ADGRA1: variants seen among roughly 807,000 people sequenced by gnomAD.
The protein encoded by ADGRA1 is adhesion G protein-coupled receptor A1, also known as G-protein coupled receptor 123.
A neutral mutation model predicts 21.3 loss-of-function variants in ADGRA1; 12 were observed. The observed-to-expected ratio is 0.56, with a 90% confidence interval of 0.36 to 0.91. The LOEUF is 0.91. ADGRA1 is among the 40% of genes least tolerant of loss of function. The pLI, the probability that ADGRA1 is intolerant of heterozygous loss-of-function variation, is 0.01. For missense variants in ADGRA1, 790 were observed against 805.6 expected, an observed-to-expected ratio of 0.98 and a Z score of 0.23; for synonymous variants, 385 against 368.8, an observed-to-expected ratio of 1.04 and a Z score of -0.50.
rs1022490921 is a variant in ADGRA1 at position 133,128,657 on chromosome 10, G to A, written c.829G>A (p.Val277Met). Residue 277 changes from valine to methionine, a missense_variant, in exon 7 of 7, where the codon GTG (valine) becomes ATG (methionine). Coordinates refer to ENST00000392607, the MANE Select transcript of ADGRA1 (RefSeq NM_001083909.3). The part of the protein sequence containing the change: ...TATWAFGALA[V>M]SQGHFLDMVF... ...CACGTGGGCCTTCGGGGCGCTGGCG[G>A]TGTCACAGGGCCACTTCCTGGACAT... is the stretch of plus-strand genomic sequence containing the variant. The A allele has an allele frequency of 1.2e-5, 19 of 1,609,600 alleles. No homozygotes were observed. Among genetic ancestry groups the A allele is most frequent in the African/African-American group, 5.3e-5 (4 of 74,892 alleles).
intron 4 of ADGRA1, 71 bp downstream of exon 4, chr10:133,098,834 TA>T: frequency 6.5e-7 from 1 of 1,539,920 alleles, no homozygotes; most frequent in Non-Finnish European, 8.7e-7. Flanking sequence ...GTTTACTAAA[TA>T]ATATTCCAGC....
At chr10:133,098,556 G>A (rs1455283227) in intron 3 of ADGRA1, 84 bp from the exon 4 acceptor site, 1 of 1,515,026 alleles carries the variant, frequency 6.6e-7, no homozygotes, top group South Asian at 1.3e-5. Context: ...CCCGGGGACA[G>A]AGCCTGCGCC....
At position 133,130,900 on chromosome 10, in the gene ADGRA1, CTTAA is replaced by C. The variant is rs1852512276; in HGVS notation, c.*1390_*1393del. The C allele has an allele frequency of 6.6e-6, 1 of 152,226 alleles. No individual in the cohort carries two copies. The highest frequency in any genetic ancestry group is 1.5e-5 in the Non-Finnish European group (1 of 68,064). 9.4% of individuals were successfully genotyped at this position (152,226 alleles called of 1,614,324 possible). A position where few individuals can be genotyped will look rare whatever the true frequency, so the allele number is the denominator to read the frequency against. On this transcript the variant is annotated 3_prime_UTR_variant, in exon 7 of 7. Coordinates refer to ENST00000392607, the MANE Select transcript of ADGRA1 (RefSeq NM_001083909.3). ...ACACACAAACACACGTGCACACATA[CTTAA>C]CACACACTTGCACCTGCTGTGCACA...
intron 5 of ADGRA1, among the ~76,000 whole-genome samples, chr10:133,117,375 C>T (rs891212696): frequency 7.2e-5 from 11 of 152,210 alleles, no homozygotes; most frequent in Non-Finnish European, 1.2e-4. Context: ...CAAACACCCA[C>T]GGAACAGCCT....
intron 2 of ADGRA1, 135 bp downstream of exon 2, chr10:133,089,047 C>T (rs941222912): frequency 1.6e-6 from 2 of 1,233,208 alleles, no homozygotes; most frequent in African/African-American, 1.6e-5. Flanking sequence ...GGCTCAGTGC[C>T]GGGGTGGGAG....
At chr10:133,121,783 T>C (rs1408737135) in intron 5 of ADGRA1, among the ~76,000 whole-genome samples, 1 of 140,886 alleles carries the variant, frequency 7.1e-6, no homozygotes, top group African/African-American at 2.7e-5. Context: ...AGTGTGCGTG[T>C]CGTGTGCCAG....
intron 5 of ADGRA1, among the ~76,000 whole-genome samples, chr10:133,106,879 G>T (rs12359671): frequency 0.17 from 25,510 of 152,254 alleles, 2,241 homozygotes; most frequent in Non-Finnish European, 0.2. Context: ...CTGGGGCCAC[G>T]CCCGCTCTGA....
Position 133,122,296 on chromosome 10 carries a change from G to A in ADGRA1, c.402-4937G>A, listed in dbSNP as rs144850547. Among the ~76,000 whole-genome samples the A allele has an allele frequency of 9.7e-3, 1,477 of 152,312 alleles. 10 individuals are homozygous for A. Among genetic ancestry groups the A allele is most frequent in the Non-Finnish European group, 0.012 (796 of 68,020 alleles). Reference sequence around the variant, plus strand: ...CATCAGCCATGGCGGGAACAGAGCCGTGGCAGGACCACACCTGCAGTCTGC... The same window carrying A: ...CATCAGCCATGGCGGGAACAGAGCCATGGCAGGACCACACCTGCAGTCTGC... On this transcript the variant is annotated intron_variant, in intron 5 of 6. Coordinates refer to ENST00000392607, the MANE Select transcript of ADGRA1 (RefSeq NM_001083909.3).
chr10:133,124,624 G>A (rs996094626), intron 5 of ADGRA1, among the ~76,000 whole-genome samples: 1 of 152,250 alleles, frequency 6.6e-6, no homozygotes, highest in Non-Finnish European at 1.5e-5. Flanking sequence ...AGAAGATGAC[G>A]CTTGAGTGAC....
At chr10:133,109,436 A>C in intron 5 of ADGRA1, among the ~76,000 whole-genome samples, 3 of 147,416 alleles carry the variant, frequency 2.0e-5, no homozygotes, top group African/African-American at 2.5e-5. Context: ...CCCCACGACC[A>C]CTCCCCAGAC....
chr10:133,110,960 G>A (rs1192079643), intron 5 of ADGRA1, among the ~76,000 whole-genome samples: 1 of 152,144 alleles, frequency 6.6e-6, no homozygotes, highest in East Asian at 1.9e-4. Flanking sequence ...TGTGAGCACA[G>A]CCCACTGAAG....
chr10:133,122,950 G>A (rs1031970840), intron 5 of ADGRA1, among the ~76,000 whole-genome samples: 7 of 152,212 alleles, frequency 4.6e-5, no homozygotes, highest in African/African-American at 1.4e-4. Context: ...TTCTTTCCCT[G>A]CACGTGTTTC....
chr10:133,088,773 G>C lies in ADGRA1; in HGVS notation c.-137G>C. 8.1e-7 allele frequency: 1 copy of C among 1,231,796 alleles called. No individual in the cohort carries two copies. The highest frequency in any genetic ancestry group is 1.0e-6 in the Non-Finnish European group (1 of 987,746). 76.3% of individuals were successfully genotyped at this position (1,231,796 alleles called of 1,614,324 possible). ...ACCCTGAGGCCAGGGGCCCGGGAGCGCGACCTCCTGGCCGCCGTCTGGGAC... is the reference window on the plus strand; with the variant it reads ...ACCCTGAGGCCAGGGGCCCGGGAGCCCGACCTCCTGGCCGCCGTCTGGGAC... On this transcript the variant is annotated 5_prime_UTR_variant, in exon 2 of 7. Coordinates refer to ENST00000392607, the MANE Select transcript of ADGRA1 (RefSeq NM_001083909.3).
intron 2 of ADGRA1, among the ~76,000 whole-genome samples, chr10:133,096,153 G>T (rs570266706): frequency 6.6e-6 from 1 of 152,362 alleles, no homozygotes; most frequent in South Asian, 2.1e-4. Flanking sequence ...AGAGCTGAGT[G>T]CAGGCTGGTG....
chr10:133,125,575 C>T (rs1421882816), intron 5 of ADGRA1, among the ~76,000 whole-genome samples: 3 of 152,016 alleles, frequency 2.0e-5, no homozygotes, highest in Non-Finnish European at 2.9e-5. Flanking sequence ...AGGCGCCCGC[C>T]ACCACGCCCG....
chr10:133,088,744 G>T lies in ADGRA1; in HGVS notation c.-166G>T, dbSNP rs977654905. The T allele has an allele frequency of 3.3e-6, 4 of 1,230,728 alleles. No individual in the cohort carries two copies. Among genetic ancestry groups the T allele is most frequent in the African/African-American group, 3.1e-5 (2 of 64,388 alleles). The allele number at this position is 1,230,728 out of a possible 1,614,324, so 76.2% of individuals were successfully genotyped here. ...TCCCGGACTGCGCCCGCCCCGCCGCGGTCACCCTGAGGCCAGGGGCCCGGG... is the reference window on the plus strand; with the variant it reads ...TCCCGGACTGCGCCCGCCCCGCCGCTGTCACCCTGAGGCCAGGGGCCCGGG... On this transcript the variant is annotated 5_prime_UTR_variant, in exon 2 of 7. Transcript: ENST00000392607.
intron 5 of ADGRA1, among the ~76,000 whole-genome samples, chr10:133,114,218 G>A (rs1852114267): frequency 6.6e-6 from 1 of 152,188 alleles, no homozygotes; most frequent in Non-Finnish European, 1.5e-5. Context: ...GGGCAGAGCG[G>A]GACACACCGC....
chr10:133,095,491 G>A (rs1437520931), intron 2 of ADGRA1, among the ~76,000 whole-genome samples: 4 of 152,226 alleles, frequency 2.6e-5, no homozygotes, highest in South Asian at 4.1e-4. Flanking sequence ...CCACAGCGAC[G>A]CCCGCTCCTC....
chr10:133,097,006 C>T lies in ADGRA1; in HGVS notation c.36C>T (p.Tyr12=), dbSNP rs758802927. 8 of 1,613,458 alleles carry T rather than the reference C, an allele frequency of 5.0e-6. No individual in the cohort carries two copies. The South Asian group carries it at 8.8e-5, about 18-fold the overall frequency. ...AGACAGTGCTCTCCCTGCCCCGCTA[C>T]CCAGGGGAGTTCCTGCACCCCGTGG... ...DLKTVLSLPR[Y]PGEFLHPVVY... is the part of the protein sequence containing the mutation. Residue 12 remains tyrosine, a synonymous_variant, in exon 3 of 7, where the codon TAC becomes TAT. Coordinates refer to ENST00000392607, the MANE Select transcript of ADGRA1 (RefSeq NM_001083909.3).
Sources: allele counts gnomAD v4.1 joint callset (sites outside exome capture counted in the v4.1 genomes callset), GRCh38; gene constraint gnomAD v4.1.1; transcripts MANE v1.5; gene names NCBI Gene and HGNC (gene_info 2026-07-23, HGNC 2026-07-21).